URB2: variants seen among roughly 807,000 people sequenced by gnomAD.
The protein encoded by URB2 is URB2 ribosome biogenesis homolog, also known as unhealthy ribosome biogenesis protein 2 homolog.
In URB2, 86 loss-of-function variants were observed where a neutral mutation model predicts 120.9. The ratio of observed to expected loss-of-function variants is 0.71; its 90% CI spans 0.60 to 0.85. The LOEUF (loss-of-function observed/expected upper bound fraction) is 0.85. URB2 is among the 40% of genes least tolerant of loss of function. The pLI is 0.00. For synonymous variants in URB2, 755 were observed against 758.4 expected (o/e 1.00, Z 0.07); for missense variants, 1,765 against 1,836.5 (o/e 0.96, Z 0.71).
intron 5 of URB2, 89 bp downstream of exon 5, chr1:229,643,782 A>G: frequency 1.3e-6 from 2 of 1,506,064 alleles, no homozygotes; most frequent in Non-Finnish European, 1.8e-6. Context: ...TGTCACCCTT[A>G]AAACTAAACA....
Position 229,638,201 on chromosome 1 carries a change from C to T in URB2, c.3588C>T (p.Asp1196=). 6.2e-7 allele frequency: 1 copy of T among 1,613,050 alleles called. No individual in the cohort carries two copies. Among genetic ancestry groups the T allele is most frequent in the African/African-American group, 1.3e-5 (1 of 74,980 alleles). ...CCCCAGAACTGCATCCCAAAAAGGA[C>T]TCCGTGTTTACCTCCATGTTTCATT... ...FLAPELHPKK[D]SVFTSMFHSV... Residue 1196 remains aspartate, a synonymous_variant, in exon 4 of 10, where the codon GAC becomes GAT. Coordinates refer to ENST00000258243, the MANE Select transcript of URB2 (RefSeq NM_014777.4).
chr1:229,637,935 C>T lies in URB2; in HGVS notation c.3322C>T (p.Arg1108Trp), dbSNP rs372842677. ...VLQLCSVPGA[R>W]GWRLPSVLIS... ...GCAGCTCTGCTCAGTGCCGGGGGCCCGGGGCTGGCGCCTTCCCTCGGTCCT... is the reference window on the plus strand; with the variant it reads ...GCAGCTCTGCTCAGTGCCGGGGGCCTGGGGCTGGCGCCTTCCCTCGGTCCT... The change falls in exon 4 of 10, where the codon CGG becomes TGG. Residue 1108 changes from arginine (R) to tryptophan (W), a missense_variant. By Grantham distance (101) the Arg-to-Trp change is moderately radical. Transcript: ENST00000258243. 4.8e-5 allele frequency: 77 copies of T among 1,612,568 alleles called. No homozygotes were observed. Among genetic ancestry groups the T allele is most frequent in the South Asian group, 1.1e-4 (10 of 90,794 alleles).
chr1:229,658,895 C>T (rs1666460840), intron 9 of URB2, among the ~76,000 whole-genome samples: 1 of 152,064 alleles, frequency 6.6e-6, no homozygotes, highest in South Asian at 2.1e-4. Context: ...CTTCTATTTC[C>T]CCAAAATACA....
In URB2 at chr1:229,637,394, C is replaced by A. The variant is rs1401347957; in HGVS notation, c.2781C>A (p.Thr927=). Residue 927 remains threonine, a synonymous_variant, in exon 4 of 10, where the codon ACC becomes ACA. Transcript: ENST00000258243. ...TTGTGTTACTGTCCATGGCCGTCAC[C>A]AAACTAGGATGCTCTTGCTCCTCCT... ...YFLVLLSMAV[T]KLGCSCSSSL... is the part of the protein sequence containing the mutation. 3 of 1,614,082 alleles carry A rather than the reference C, an allele frequency of 1.9e-6. No individual in the cohort carries two copies. Among genetic ancestry groups the A allele is most frequent in the Non-Finnish European group, 1.7e-6 (2 of 1,180,044 alleles).
In URB2 at chr1:229,635,517, A is replaced by C; in HGVS notation, c.904A>C (p.Asn302His). ...ATCCCTTCATACCTCTGTTGTGGCCAACTCAGTGGCCTTGCTGTATAAGCT... is the reference window on the plus strand; with the variant it reads ...ATCCCTTCATACCTCTGTTGTGGCCCACTCAGTGGCCTTGCTGTATAAGCT... ...AASLHTSVVANSVALLYKLFL... is the reference protein window; with the variant it reads ...AASLHTSVVAHSVALLYKLFL... The change falls in exon 4 of 10, where the codon AAC (asparagine) becomes CAC (histidine). Residue 302 changes from asparagine to histidine, a missense_variant. Asn to His is a moderately conservative substitution (Grantham distance 68). Coordinates refer to ENST00000258243, the MANE Select transcript of URB2 (RefSeq NM_014777.4). The C allele has an allele frequency of 6.2e-7, 1 of 1,614,082 alleles. No homozygotes were observed. The highest frequency in any genetic ancestry group is 8.5e-7 in the Non-Finnish European group (1 of 1,179,990).
intron 5 of URB2, 104 bp from the exon 6 acceptor site, chr1:229,645,755 C>T (rs1292061167): frequency 9.2e-6 from 9 of 979,410 alleles, no homozygotes; most frequent in Non-Finnish European, 1.5e-5. Flanking sequence ...GGCTCTCAAT[C>T]CACTCCAACG....
At position 229,637,465 on chromosome 1, in the gene URB2, A is replaced by G. The variant is rs149700427; in HGVS notation, c.2852A>G (p.Tyr951Cys). 1.2e-6 allele frequency: 2 copies of G among 1,614,056 alleles called. No homozygotes were observed. Among genetic ancestry groups the G allele is most frequent in the African/African-American group, 2.7e-5 (2 of 74,928 alleles). The change falls in exon 4 of 10, where the codon TAC becomes TGC. Residue 951 changes from tyrosine to cysteine, a missense_variant. Tyr to Cys is a radical substitution (Grantham distance 194). Transcript: ENST00000258243. Reference protein sequence around the residue: ...FLTTCYQLLGYLQKGKSARSV... With the variant: ...FLTTCYQLLGCLQKGKSARSV... ...ACGACTTGCTACCAACTTCTTGGTT[A>G]CTTGCAAAAGGGGAAAAGTGCTCGC...
intron 4 of URB2, among the ~76,000 whole-genome samples, chr1:229,638,709 C>A (rs559975217): frequency 1.3e-5 from 2 of 152,066 alleles, no homozygotes. Context: ...CCAGCACCCA[C>A]GACTTCATGC....
intron 9 of URB2, among the ~76,000 whole-genome samples, chr1:229,656,198 C>T (rs186680785): frequency 1.2e-4 from 19 of 152,140 alleles, no homozygotes; most frequent in African/African-American, 4.3e-4. Flanking sequence ...CAGTCGTTAA[C>T]ATGTAAGCTT....
In URB2 at chr1:229,632,433, T is replaced by A; in HGVS notation, c.291T>A (p.Ile97=). Reference sequence around the variant, plus strand: ...ATGGAAAGACCATTAATCTTCAGATTTCCCTAGTCAAGGTAATTCACTTTT... The same window carrying A: ...ATGGAAAGACCATTAATCTTCAGATATCCCTAGTCAAGGTAATTCACTTTT... The part of the protein sequence containing the change: ...LKNGKTINLQ[I]SLVKIINERV... Residue 97 remains isoleucine (I), a synonymous_variant, in exon 3 of 10, where the codon ATT becomes ATA. Transcript: ENST00000258243. The A allele has an allele frequency of 6.4e-7, 1 of 1,560,316 alleles. No homozygotes were observed. The highest frequency in any genetic ancestry group is 8.6e-7 in the Non-Finnish European group (1 of 1,162,066).
At chr1:229,656,128 G>A (rs112405744) in intron 9 of URB2, among the ~76,000 whole-genome samples, 3,927 of 152,270 alleles carry the variant, frequency 0.026, 165 homozygotes, top group African/African-American at 0.089. Context: ...TGGGCTTGTA[G>A]TTTGGTTTCA....
intron 7 of URB2, among the ~76,000 whole-genome samples, chr1:229,650,156 C>T (rs1666233838): frequency 6.6e-6 from 1 of 152,180 alleles, no homozygotes; most frequent in African/African-American, 2.4e-5. Context: ...TGTTCACTCT[C>T]ACACGTGATG....
intron 4 of URB2, among the ~76,000 whole-genome samples, chr1:229,642,814 A>G (rs74582728): frequency 6.6e-6 from 1 of 152,154 alleles, no homozygotes; most frequent in Non-Finnish European, 1.5e-5. Context: ...TAAGGCACCA[A>G]CCCCCAGCAC....
chr1:229,632,904 C>CTGAAAGTGATTT (rs1365854884), intron 3 of URB2, among the ~76,000 whole-genome samples: 1 of 150,264 alleles, frequency 6.7e-6, no homozygotes, highest in Non-Finnish European at 1.5e-5. Context: ...CAGTTTTTGA[C>CTGAAAGTGATTT]TGAAAGTGAT....
chr1:229,648,874 C>T (rs765346441), intron 7 of URB2, among the ~76,000 whole-genome samples: 102 of 152,172 alleles, frequency 6.7e-4, no homozygotes, highest in Non-Finnish European at 8.4e-4. Context: ...CACCATAGAT[C>T]GTATAATACT....
chr1:229,628,146 A>T (rs1665565229), intron 2 of URB2, among the ~76,000 whole-genome samples: 1 of 134,048 alleles, frequency 7.5e-6, no homozygotes, highest in African/African-American at 2.8e-5. Context: ...ATATATATAT[A>T]ATATATATAG....
intron 6 of URB2, 83 bp from the exon 7 acceptor site, chr1:229,647,427 C>T: frequency 6.6e-7 from 1 of 1,505,240 alleles, no homozygotes; most frequent in South Asian, 1.3e-5. Flanking sequence ...ACATTTCTAC[C>T]TCAGTCACTC....
At chr1:229,639,427 C>T (rs924554379) in intron 4 of URB2, among the ~76,000 whole-genome samples, 1 of 151,738 alleles carries the variant, frequency 6.6e-6, no homozygotes, top group Non-Finnish European at 1.5e-5. Flanking sequence ...CTCCGCTTCC[C>T]GGGTTCATGC....
Position 229,637,480 on chromosome 1 carries a change from A to G in URB2, c.2867A>G (p.Lys956Arg). The G allele has an allele frequency of 6.2e-7, 1 of 1,614,210 alleles. No homozygotes were observed. Among genetic ancestry groups the G allele is most frequent in the Non-Finnish European group, 8.5e-7 (1 of 1,180,044 alleles). ...CTTCTTGGTTACTTGCAAAAGGGGA[A>G]AAGTGCTCGCTCTGTGTTCAAGATC... ...YQLLGYLQKG[K>R]SARSVFKIMY... Residue 956 changes from lysine to arginine, a missense_variant, in exon 4 of 10, where the codon AAA (lysine) becomes AGA (arginine). Coordinates refer to ENST00000258243, the MANE Select transcript of URB2 (RefSeq NM_014777.4).
Sources: gnomAD v4.1 joint callset for allele counts (sites outside exome capture counted in the v4.1 genomes callset) on GRCh38, gnomAD v4.1.1 for gene constraint, MANE v1.5 for transcripts, NCBI Gene and HGNC (gene_info 2026-07-23, HGNC 2026-07-21) for gene names.